Variants in NALF1 observed in about 807,000 individuals in gnomAD.
NALF1 encodes the protein family with sequence similarity 155 member A.
A neutral mutation model predicts 48.4 loss-of-function variants in NALF1; 3 were observed. The ratio of observed to expected loss-of-function variants is 0.06; its 90% CI spans 0.03 to 0.16. The LOEUF (loss-of-function observed/expected upper bound fraction) is 0.16. NALF1 is among the 10% of genes least tolerant of loss of function. NALF1 has a pLI of 1.00. For synonymous variants in NALF1, 262 were observed against 245.7 expected, an observed-to-expected ratio of 1.07 and a Z score of -0.62; for missense variants, 526 against 571.5, an observed-to-expected ratio of 0.92 and a Z score of 0.81.
In NALF1 at chr13:107,526,365, A is replaced by G. The variant is rs566508089; in HGVS notation, c.916-315610T>C. 9.2e-5 allele frequency among the ~76,000 whole-genome samples: 14 copies of G among 152,230 alleles called. No homozygotes were observed. The East Asian group carries it at 1.5e-3, about 17-fold the overall frequency. On this transcript the variant is annotated intron_variant, in intron 1 of 2. Transcript: ENST00000375915. ...GCAGCAATATATGTACCTCTTTCTG[A>G]TGCCTTTATCTCTTAATTCTGTTTC...
At chr13:107,693,488 A>G (rs1254278048) in intron 1 of NALF1, among the ~76,000 whole-genome samples, 2 of 152,170 alleles carry the variant, frequency 1.3e-5, no homozygotes, top group Admixed American at 6.5e-5. Flanking sequence ...TGAAAATAAA[A>G]AAACAGTATA....
chr13:107,784,239 G>A (rs888894997), intron 1 of NALF1, among the ~76,000 whole-genome samples: 5 of 152,204 alleles, frequency 3.3e-5, no homozygotes, highest in Non-Finnish European at 7.3e-5. Context: ...TGGGTCTCAA[G>A]TAGAAATTGT....
intron 2 of NALF1, among the ~76,000 whole-genome samples, chr13:107,188,638 C>A (rs35493629): frequency 6.6e-6 from 1 of 152,078 alleles, no homozygotes; most frequent in South Asian, 2.1e-4. Flanking sequence ...ATCATTACAT[C>A]TAATATTAAT....
At chr13:107,246,407 T>C (rs1279760125) in intron 1 of NALF1, among the ~76,000 whole-genome samples, 1 of 151,988 alleles carries the variant, frequency 6.6e-6, no homozygotes, top group Non-Finnish European at 1.5e-5. Flanking sequence ...TAGAGTATTA[T>C]AAGCTAAAGC....
intron 1 of NALF1, among the ~76,000 whole-genome samples, chr13:107,512,830 A>C (rs1023463075): frequency 7.2e-5 from 11 of 152,130 alleles, no homozygotes; most frequent in Admixed American, 2.6e-4. Context: ...GGCATTTCTT[A>C]TGGAAAGCTG....
In NALF1 at chr13:107,660,498, A is replaced by AC. The variant is rs1566434134; in HGVS notation, c.915+205183_915+205184insG. Among the ~76,000 whole-genome samples, 25 of 99,162 alleles carry AC rather than the reference A, an allele frequency of 2.5e-4. No individual in the cohort carries two copies. The East Asian group carries it at 5.8e-3, about 23-fold the overall frequency. The allele number at this position is 99,162 out of a possible 152,430, so 65.1% of individuals were successfully genotyped here. A position where few individuals can be genotyped will look rare whatever the true frequency, so the allele number is the denominator to read the frequency against. On this transcript the variant is annotated intron_variant, in intron 1 of 2. Transcript: ENST00000375915. ...ACACACACACACAACAAAGAAACAA[A>AC]AAAACAAACAAAACAAATAAACAAA...
intron 1 of NALF1, among the ~76,000 whole-genome samples, chr13:107,312,400 C>A (rs1965827024): frequency 6.6e-6 from 1 of 150,832 alleles, no homozygotes; most frequent in African/African-American, 2.4e-5. Context: ...GGAAGGGGAA[C>A]ATCACACACC....
chr13:107,236,444 TTC>T (rs1183023444), intron 1 of NALF1, among the ~76,000 whole-genome samples: 1 of 152,152 alleles, frequency 6.6e-6, no homozygotes, highest in Admixed American at 6.5e-5. Flanking sequence ...GGAGCATGGT[TTC>T]TTTCCCTGGC....
At chr13:107,864,367 T>C (rs1353727078) in intron 1 of NALF1, among the ~76,000 whole-genome samples, 1 of 152,176 alleles carries the variant, frequency 6.6e-6, no homozygotes, top group African/African-American at 2.4e-5. Flanking sequence ...CCGCCCAAAG[T>C]AAAATATGGC....
At chr13:107,211,032 G>A (rs185322993) in intron 1 of NALF1, among the ~76,000 whole-genome samples, 2 of 152,302 alleles carry the variant, frequency 1.3e-5, no homozygotes, top group East Asian at 3.9e-4. Flanking sequence ...AAAATCAGTG[G>A]ATTTAAGCAG....
In NALF1 at chr13:107,538,947, T is replaced by TCATC. The variant is rs556241534; in HGVS notation, c.915+326731_915+326734dup. Among the ~76,000 whole-genome samples, 138 of 152,134 alleles carry TCATC rather than the reference T, an allele frequency of 9.1e-4. 1 individual carries two copies. The highest frequency in any genetic ancestry group is 1.5e-3 in the Non-Finnish European group (101 of 68,012). On this transcript the variant is annotated intron_variant, in intron 1 of 2. Transcript: ENST00000375915. ...GTACCCATTCTTATTATAATTATGA[T>TCATC]CATCCATCCATCCATCCATTCATTC...
At chr13:107,593,548 A>T (rs1378956942) in intron 1 of NALF1, among the ~76,000 whole-genome samples, 2 of 151,962 alleles carry the variant, frequency 1.3e-5, no homozygotes, top group African/African-American at 4.8e-5. Flanking sequence ...AGTGATAAAC[A>T]CACAGGACTT....
In NALF1 at chr13:107,860,591, C is replaced by T. The variant is rs76150015; in HGVS notation, c.915+5091G>A. Among the ~76,000 whole-genome samples, 111 of 152,170 alleles carry T rather than the reference C, an allele frequency of 7.3e-4. 2 individuals carry two copies. In the East Asian group the frequency reaches 0.02, roughly 27 times the overall value. On this transcript the variant is annotated intron_variant, in intron 1 of 2. Transcript: ENST00000375915. ...CACTGTGACCCCAAAGGCCACTAAT[C>T]TAGAGTATATGTTAACTGAAAAAAA...
At chr13:107,818,494 G>A (rs1376488462) in intron 1 of NALF1, among the ~76,000 whole-genome samples, 1 of 152,178 alleles carries the variant, frequency 6.6e-6, no homozygotes, top group South Asian at 2.1e-4. Context: ...CCTAACCAGG[G>A]AGCATGGACT....
intron 1 of NALF1, among the ~76,000 whole-genome samples, chr13:107,313,194 T>A (rs1882080677): frequency 6.7e-6 from 1 of 150,108 alleles, no homozygotes; most frequent in African/African-American, 2.4e-5. Context: ...CTCATGAAAC[T>A]CCCAAAAAAA....
intron 1 of NALF1, among the ~76,000 whole-genome samples, chr13:107,518,616 C>A (rs886895869): frequency 1.3e-5 from 2 of 151,900 alleles, no homozygotes; most frequent in Non-Finnish European, 2.9e-5. Context: ...CCTTGAGCTG[C>A]CATTTTAGGG....
At chr13:107,563,681 G>A (rs1240459710) in intron 1 of NALF1, among the ~76,000 whole-genome samples, 1 of 152,174 alleles carries the variant, frequency 6.6e-6, no homozygotes, top group Non-Finnish European at 1.5e-5. Context: ...AGACATTGCA[G>A]CTAAATAGCC....
At chr13:107,176,583 A>G (rs1157565781) in intron 2 of NALF1, among the ~76,000 whole-genome samples, 3 of 151,994 alleles carry the variant, frequency 2.0e-5, no homozygotes, top group Admixed American at 2.0e-4. Flanking sequence ...CGGAGCTTGC[A>G]GTGAGCCGAG....
intron 1 of NALF1, among the ~76,000 whole-genome samples, chr13:107,569,486 A>G (rs1877922702): frequency 1.3e-5 from 2 of 152,174 alleles, no homozygotes; most frequent in South Asian, 2.1e-4. Context: ...AAAAAAAGAA[A>G]AAAAGGGCTA....
Sources: gnomAD v4.1 joint callset for allele counts (sites outside exome capture counted in the v4.1 genomes callset) on GRCh38, gnomAD v4.1.1 for gene constraint, MANE v1.5 for transcripts, NCBI Gene and HGNC (gene_info 2026-07-23, HGNC 2026-07-21) for gene names.